Variants in ZNF516 observed in about 807,000 individuals in gnomAD.
The protein encoded by ZNF516 is zinc finger protein 516.
In ZNF516, 19 loss-of-function variants were observed where a neutral mutation model predicts 79.7. The observed-to-expected ratio is 0.24, with a 90% confidence interval of 0.17 to 0.35. The LOEUF is 0.35. ZNF516 is among the 10% of genes least tolerant of loss of function. The pLI is 1.00. For synonymous variants in ZNF516, 877 were observed against 739.5 expected (o/e 1.19, Z -3.02); for missense variants, 1,678 against 1,679.5 (o/e 1.00, Z 0.02).
intron 3 of ZNF516, among the ~76,000 whole-genome samples, chr18:76,385,419 G>A (rs1343462133): frequency 6.6e-6 from 1 of 152,224 alleles, no homozygotes; most frequent in East Asian, 1.9e-4. Context: ...GAAATGCGGT[G>A]AGGGCACTTT....
Position 76,442,446 on chromosome 18 carries a change from C to G in ZNF516, c.609G>C (p.Arg203Ser). The change falls in exon 3 of 7, where the codon AGG becomes AGC. Residue 203 changes from arginine to serine, a missense_variant. Arg to Ser is a moderately radical substitution (Grantham distance 110). This residue lies in a region of ZNF516 where 279 missense variants were observed against 254.1 expected (regional missense o/e 1.10). Coordinates refer to ENST00000443185, the MANE Select transcript of ZNF516 (RefSeq NM_014643.4). Reference protein sequence around the residue: ...VHQAHKPFKCRLCSYATLREE... With the variant: ...VHQAHKPFKCSLCSYATLREE... ...CCCGCAGCGTCGCGTAGCTGCACAG[C>G]CTGCACTTGAACGGCTTGTGCGCCT... 6.2e-7 allele frequency: 1 copy of G among 1,606,688 alleles called. No individual in the cohort carries two copies.
At chr18:76,461,091 A>G (rs561346182) in intron 2 of ZNF516, among the ~76,000 whole-genome samples, 2 of 152,302 alleles carry the variant, frequency 1.3e-5, no homozygotes, top group South Asian at 4.1e-4. Flanking sequence ...CTGAGGCAGG[A>G]CAATCGCTTG....
At chr18:76,391,731 G>A (rs1406856712) in intron 3 of ZNF516, among the ~76,000 whole-genome samples, 1 of 152,216 alleles carries the variant, frequency 6.6e-6, no homozygotes, top group African/African-American at 2.4e-5. Flanking sequence ...ATTAGAAACA[G>A]GGACTTCCAC....
At chr18:76,452,564 G>A (rs772572611) in intron 2 of ZNF516, among the ~76,000 whole-genome samples, 3 of 152,090 alleles carry the variant, frequency 2.0e-5, no homozygotes, top group African/African-American at 7.2e-5. Flanking sequence ...TTATTCTTCC[G>A]CAAGTAGGTT....
At chr18:76,391,626 C>T (rs1451682045) in intron 3 of ZNF516, among the ~76,000 whole-genome samples, 2 of 152,204 alleles carry the variant, frequency 1.3e-5, no homozygotes, top group East Asian at 1.9e-4. Flanking sequence ...ATCCCAGACA[C>T]GTGACTAGGA....
At chr18:76,403,811 ATATGATG>A (rs965575568) in intron 3 of ZNF516, among the ~76,000 whole-genome samples, 3 of 152,216 alleles carry the variant, frequency 2.0e-5, no homozygotes, top group East Asian at 3.8e-4. Context: ...TTCATGATCT[ATATGATG>A]TATTCACATC....
chr18:76,406,164 C>G (rs1274961853), intron 3 of ZNF516, among the ~76,000 whole-genome samples: 2 of 152,242 alleles, frequency 1.3e-5, no homozygotes, highest in African/African-American at 4.8e-5. Context: ...CCGCGCTGCC[C>G]AGACCCCAAA....
rs958085990 is a variant in ZNF516 at position 76,451,770 on chromosome 18, A to G, written c.-157-8559T>C. Reference sequence around the variant, plus strand: ...TATGAACCATGAATTAAAATACATCATTAACATCCTGGACAAGCTTATCTT... The same window carrying G: ...TATGAACCATGAATTAAAATACATCGTTAACATCCTGGACAAGCTTATCTT... On this transcript the variant is annotated intron_variant, in intron 2 of 6. Transcript: ENST00000443185. The surrounding 1 kb of genome is among the most constrained non-coding windows in gnomAD (Gnocchi z 6.0). Among the ~76,000 whole-genome samples the G allele has an allele frequency of 3.9e-5, 6 of 152,198 alleles. No individual in the cohort carries two copies. The South Asian group carries it at 8.3e-4, about 21-fold the overall frequency.
chr18:76,488,417 CG>C (rs1256391283), intron 1 of ZNF516, among the ~76,000 whole-genome samples: 2 of 151,670 alleles, frequency 1.3e-5, no homozygotes, highest in African/African-American at 4.8e-5. Flanking sequence ...GAAGTCAGAG[CG>C]GCACACGTCC....
Position 76,443,299 on chromosome 18 carries a change from C to T in ZNF516, c.-157-88G>A, listed in dbSNP as rs1911840118. The T allele has an allele frequency of 9.5e-6, 5 of 528,436 alleles. No individual in the cohort carries two copies. The Admixed American group carries it at 1.9e-4, about 20-fold the overall frequency. The allele number at this position is 528,436 out of a possible 1,614,324, so 32.7% of individuals were successfully genotyped here. On this transcript the variant is annotated intron_variant, in intron 2 of 6. Coordinates refer to ENST00000443185, the MANE Select transcript of ZNF516 (RefSeq NM_014643.4). ...GGGAACCCCCACATGCTCCCCAAAACATACCCATCCAACCCACATTAAGAA... is the reference window on the plus strand; with the variant it reads ...GGGAACCCCCACATGCTCCCCAAAATATACCCATCCAACCCACATTAAGAA...
intron 3 of ZNF516, among the ~76,000 whole-genome samples, chr18:76,438,814 A>AT (rs1428505487): frequency 3.9e-5 from 6 of 152,224 alleles, no homozygotes; most frequent in Admixed American, 1.3e-4. Flanking sequence ...ACAACTGGGT[A>AT]TTACTGGAAT....
chr18:76,380,960 G>A (rs897603072), intron 3 of ZNF516, among the ~76,000 whole-genome samples: 8 of 152,194 alleles, frequency 5.3e-5, no homozygotes, highest in African/African-American at 9.6e-5. Context: ...AGGCAGCCAC[G>A]CTATCCACCT....
chr18:76,385,305 G>A (rs777763250), intron 3 of ZNF516, among the ~76,000 whole-genome samples: 14 of 152,318 alleles, frequency 9.2e-5, no homozygotes, highest in African/African-American at 1.7e-4. Flanking sequence ...GCCGCACACC[G>A]CCGACAAGCA....
intron 2 of ZNF516, among the ~76,000 whole-genome samples, chr18:76,448,218 C>T (rs991218543): frequency 6.6e-6 from 1 of 152,230 alleles, no homozygotes; most frequent in African/African-American, 2.4e-5. Context: ...TGCTGCCATA[C>T]CTTTGGATAT....
At chr18:76,400,489 T>C (rs1256550902) in intron 3 of ZNF516, among the ~76,000 whole-genome samples, 3 of 152,220 alleles carry the variant, frequency 2.0e-5, no homozygotes, top group Admixed American at 1.3e-4. Context: ...ACATCCCAGC[T>C]TTCCCCATTA....
intron 2 of ZNF516, among the ~76,000 whole-genome samples, chr18:76,447,482 C>T (rs945781689): frequency 6.6e-6 from 1 of 152,222 alleles, no homozygotes; most frequent in African/African-American, 2.4e-5. Flanking sequence ...CAAACGCACG[C>T]CAAATACAAG....
upstream of ZNF516, chr18:76,496,223 A>G (rs1183630638): frequency 3.1e-5 from 38 of 1,237,642 alleles, no homozygotes; most frequent in Non-Finnish European, 3.8e-5. Flanking sequence ...ACGGCCGGTG[A>G]CGTAGACCCG....
chr18:76,364,676 G>A (rs550513362), intron 6 of ZNF516, among the ~76,000 whole-genome samples: 9 of 151,914 alleles, frequency 5.9e-5, no homozygotes, highest in Admixed American at 4.6e-4. Context: ...TCGATGCCCC[G>A]CACACAAAAA....
At chr18:76,424,537 GC>G (rs2075562758) in intron 3 of ZNF516, among the ~76,000 whole-genome samples, 2 of 134,164 alleles carry the variant, frequency 1.5e-5, no homozygotes, top group Admixed American at 7.6e-5. Flanking sequence ...AGGTGAAAAG[GC>G]TCCCCCCGAA....
Sources: gnomAD v4.1 joint callset for allele counts (sites outside exome capture counted in the v4.1 genomes callset) on GRCh38, gnomAD v4.1.1 for gene constraint, gnomAD v4.1.1 regional missense constraint, Gnocchi (gnomAD v3.1) non-coding constraint, MANE v1.5 for transcripts, NCBI Gene and HGNC (gene_info 2026-07-23, HGNC 2026-07-21) for gene names.